NCOA1: variants seen among roughly 807,000 people sequenced by gnomAD.
NCOA1 encodes Hin-2 protein.
NCOA1 carries 35 observed loss-of-function variants against 150.9 expected under a neutral mutation model. The observed-to-expected ratio is 0.23, with a 90% CI of 0.18 to 0.31. The LOEUF is 0.31. Among genes scored for constraint, NCOA1 ranks in the 10% least tolerant of loss-of-function variants. NCOA1 has a pLI of 1.00. For missense variants in NCOA1, 1,491 were observed against 1,749.3 expected (o/e 0.85, Z 2.63); for synonymous variants, 590 against 630.0 (o/e 0.94, Z 0.95).
intron 1 of NCOA1, among the ~76,000 whole-genome samples, chr2:24,502,957 TTG>T (rs1415379775): frequency 6.6e-6 from 1 of 152,232 alleles, no homozygotes; most frequent in Non-Finnish European, 1.5e-5. Flanking sequence ...TTTTTTGTTT[TTG>T]TGTGTCCTGT....
intron 10 of NCOA1, among the ~76,000 whole-genome samples, chr2:24,696,904 G>C (rs1672928771): frequency 6.6e-6 from 1 of 151,586 alleles, no homozygotes; most frequent in African/African-American, 2.4e-5. Flanking sequence ...TATATATCTT[G>C]TATTATTTTG....
intron 3 of NCOA1, among the ~76,000 whole-genome samples, chr2:24,624,900 G>C (rs1490964886): frequency 6.6e-6 from 1 of 152,148 alleles, no homozygotes; most frequent in Non-Finnish European, 1.5e-5. Flanking sequence ...AACTTTTACT[G>C]TAAAGGACCA....
chr2:24,649,457 CAT>C (rs1265434968), intron 4 of NCOA1, among the ~76,000 whole-genome samples: 1 of 152,194 alleles, frequency 6.6e-6, no homozygotes, highest in African/African-American at 2.4e-5. Context: ...TTTTGGAAGA[CAT>C]GTGCAGTATA....
chr2:24,518,876 TA>T (rs1664309999), intron 1 of NCOA1, among the ~76,000 whole-genome samples: 1 of 152,134 alleles, frequency 6.6e-6, no homozygotes, highest in Non-Finnish European at 1.5e-5. Flanking sequence ...GAAGACTAAA[TA>T]CTAAGATGTT....
intron 3 of NCOA1, among the ~76,000 whole-genome samples, chr2:24,640,511 A>T (rs1208599658): frequency 6.6e-6 from 1 of 152,132 alleles, no homozygotes; most frequent in Non-Finnish European, 1.5e-5. Flanking sequence ...TATTATTTGC[A>T]TAACTTATGA....
intron 3 of NCOA1, among the ~76,000 whole-genome samples, chr2:24,625,650 C>G (rs544127282): frequency 1.3e-4 from 20 of 152,202 alleles, no homozygotes; most frequent in Middle Eastern, 3.4e-3. Context: ...TCTCCCTCCC[C>G]TCTAAACACT....
intron 1 of NCOA1, among the ~76,000 whole-genome samples, chr2:24,526,823 G>A (rs1029038813): frequency 1.3e-5 from 2 of 151,948 alleles, no homozygotes; most frequent in East Asian, 3.9e-4. Flanking sequence ...TGCATCCATG[G>A]ATTTAACCAA....
chr2:24,730,986 C>A (rs1269917124), intron 17 of NCOA1, among the ~76,000 whole-genome samples: 1 of 144,852 alleles, frequency 6.9e-6, no homozygotes, highest in Non-Finnish European at 1.5e-5. Context: ...TGCAGCAAGC[C>A]GAGATTGTGC....
In NCOA1 at chr2:24,768,220, GCAGGTGCAACAGGTT is replaced by G; in HGVS notation, c.4162_4176del (p.Gln1388_Val1392del). On this transcript the variant is annotated inframe_deletion and splice_region_variant, in exon 23 of 23. Coordinates refer to ENST00000348332, the MANE Select transcript of NCOA1 (RefSeq NM_003743.5). ...AAACACATCTTTTATTTGTGTTCCA[GCAGGTGCAACAGGTT>G]CAGGTGTTTGCTGACGTCCAGTGTA... 1.2e-6 allele frequency: 2 copies of G among 1,611,380 alleles called. No homozygotes were observed. The highest frequency in any genetic ancestry group is 1.7e-6 in the Non-Finnish European group (2 of 1,177,834).
At chr2:24,571,067 C>T (rs1666724158) in intron 2 of NCOA1, among the ~76,000 whole-genome samples, 1 of 152,074 alleles carries the variant, frequency 6.6e-6, no homozygotes, top group Non-Finnish European at 1.5e-5. Context: ...TACCTTTTAG[C>T]GATACATAAT....
chr2:24,730,299 A>T (rs1007966711), intron 17 of NCOA1, among the ~76,000 whole-genome samples: 3 of 152,230 alleles, frequency 2.0e-5, no homozygotes, highest in Admixed American at 6.5e-5. Context: ...CTTTTCATTC[A>T]ATTAAAGACC....
In NCOA1 at chr2:24,707,356, C is replaced by G. The variant is rs762219899; in HGVS notation, c.1886C>G (p.Thr629Ser). Residue 629 changes from threonine (T) to serine (S), a missense_variant, in exon 13 of 23, where the codon ACC becomes AGC. By Grantham distance (58) the Thr-to-Ser change is moderately conservative (BLOSUM62 1). Transcript: ENST00000348332. ...GATGGAGACAGTAAATACTCTCAAA[C>G]CAGTCACAAACTAGTGCAGCTTTTG... ...LSDGDSKYSQ[T>S]SHKLVQLLTT... 2.5e-6 allele frequency: 4 copies of G among 1,614,198 alleles called. No individual in the cohort carries two copies. The South Asian group carries it at 4.4e-5, about 18-fold the overall frequency.
chr2:24,665,999 T>TATC (rs1671404211), intron 6 of NCOA1, 84 bp downstream of exon 6: 1 of 793,004 alleles, frequency 1.3e-6, no homozygotes, highest in Non-Finnish European at 1.6e-6. Flanking sequence ...TTATTATTAT[T>TATC]ATTATTATTT....
At chr2:24,649,080 T>A (rs984832742) in intron 4 of NCOA1, among the ~76,000 whole-genome samples, 19 of 151,908 alleles carry the variant, frequency 1.3e-4, no homozygotes, top group Admixed American at 3.3e-4. Context: ...AAATTTTTTT[T>A]AATTTTTATT....
At position 24,710,983 on chromosome 2, in the gene NCOA1, C is replaced by T. The variant is rs751291776; in HGVS notation, c.2471C>T (p.Ala824Val). Residue 824 changes from alanine (A) to valine (V), a missense_variant, in exon 14 of 23, where the codon GCA becomes GTA. Physicochemically the swap from Ala to Val is moderately conservative, Grantham distance 64. Around this residue, in one of 8 missense-constraint regions of NCOA1, gnomAD observed 703 missense variants for 717.7 expected, o/e 0.98. Coordinates refer to ENST00000348332, the MANE Select transcript of NCOA1 (RefSeq NM_003743.5). ...FDQLLPTLEK[A>V]AQLPGLCETD... is the part of the protein sequence containing the mutation. Reference sequence around the variant, plus strand: ...CAGTTACTGCCCACGCTGGAGAAGGCAGCACAGTTGCCAGGCTTATGTGAG... The same window carrying T: ...CAGTTACTGCCCACGCTGGAGAAGGTAGCACAGTTGCCAGGCTTATGTGAG... 9.9e-6 allele frequency: 16 copies of T among 1,614,050 alleles called. No homozygotes were observed. Among genetic ancestry groups the T allele is most frequent in the Admixed American group, 3.3e-5 (2 of 60,004 alleles).
At chr2:24,726,451 T>C (rs1167488062) in intron 14 of NCOA1, 138 bp from the exon 15 acceptor site, 12 of 517,790 alleles carry the variant, frequency 2.3e-5, no homozygotes, top group African/African-American at 1.2e-4. Flanking sequence ...TAGTTTAAAT[T>C]GCTGAATAAG....
rs888815629 is a variant in NCOA1, at chr2:24,552,107, T to G, written c.-395-12188T>G. ...AGTCTTCCAACTTTGTTCTTCTTTT[T>G]GAAAAGTGTTTTGACTATTCTGGTT... On this transcript the variant is annotated intron_variant, in intron 1 of 22. Transcript: ENST00000348332. Among the ~76,000 whole-genome samples the G allele has an allele frequency of 2.0e-5, 3 of 151,880 alleles. No homozygotes were observed. The East Asian group carries it at 5.8e-4, about 29-fold the overall frequency.
chr2:24,700,076 G>A (rs1003673335), intron 11 of NCOA1, among the ~76,000 whole-genome samples: 7 of 151,822 alleles, frequency 4.6e-5, no homozygotes, highest in Non-Finnish European at 1.0e-4. Flanking sequence ...CCGGGAGGTG[G>A]AGGTTGCGGT....
chr2:24,694,805 A>C (rs943462492), intron 10 of NCOA1, among the ~76,000 whole-genome samples: 1 of 149,350 alleles, frequency 6.7e-6, no homozygotes, highest in Non-Finnish European at 1.5e-5. Context: ...CAAAAACAAA[A>C]ATTTATTTAA....
Sources: gnomAD v4.1 joint callset for allele counts (sites outside exome capture counted in the v4.1 genomes callset) on GRCh38, gnomAD v4.1.1 for gene constraint, gnomAD v4.1.1 regional missense constraint, MANE v1.5 for transcripts, NCBI Gene and HGNC (gene_info 2026-07-23, HGNC 2026-07-21) for gene names.